CGNL1: variants seen among roughly 807,000 people sequenced by gnomAD.
The protein encoded by CGNL1 is cingulin like 1, also known as cingulin-like protein 1.
In CGNL1, 132 loss-of-function variants were observed where a neutral mutation model predicts 141.2. The observed-to-expected ratio is 0.93, with a 90% CI of 0.81 to 1.08. The LOEUF (loss-of-function observed/expected upper bound fraction) is 1.08, where lower values mean the gene tolerates loss of function less well. Among genes scored for constraint, CGNL1 ranks in the 50% least tolerant of loss-of-function variants. CGNL1 has a pLI of 0.00. For missense variants in CGNL1, 1,870 were observed against 1,588.6 expected, an observed-to-expected ratio of 1.18 and a Z score of -3.01; for synonymous variants, 690 against 622.1, an observed-to-expected ratio of 1.11 and a Z score of -1.63.
At chr15:57,500,116 G>T (rs1211695138) in intron 8 of CGNL1, among the ~76,000 whole-genome samples, 1 of 152,206 alleles carries the variant, frequency 6.6e-6, no homozygotes, top group East Asian at 1.9e-4. Flanking sequence ...AGTGGGAATG[G>T]GGAGTGAATC....
intron 8 of CGNL1, among the ~76,000 whole-genome samples, chr15:57,465,795 A>G (rs2063504589): frequency 6.6e-6 from 1 of 152,164 alleles, no homozygotes; most frequent in African/African-American, 2.4e-5. Context: ...CTAAAGTGCT[A>G]TTTTATCGTT....
At chr15:57,439,737 C>G in intron 2 of CGNL1, 136 bp downstream of exon 2, 2 of 932,708 alleles carry the variant, frequency 2.1e-6, no homozygotes, top group South Asian at 3.5e-5. Flanking sequence ...TGATCTGTTT[C>G]AGGATCCAGT....
chr15:57,501,284 G>C (rs116482878), intron 8 of CGNL1, among the ~76,000 whole-genome samples: 1 of 152,184 alleles, frequency 6.6e-6, no homozygotes, highest in East Asian at 1.9e-4. Flanking sequence ...TTACCTCTCA[G>C]TACCTCAGTT....
At chr15:57,521,917 TTTG>T (rs2031284742) in intron 10 of CGNL1, among the ~76,000 whole-genome samples, 1 of 152,142 alleles carries the variant, frequency 6.6e-6, no homozygotes, top group African/African-American at 2.4e-5. Flanking sequence ...GCCCTCTGTA[TTTG>T]TTGTTTTCAC....
At chr15:57,442,842 C>T (rs575048549) in intron 4 of CGNL1, among the ~76,000 whole-genome samples, 5 of 152,292 alleles carry the variant, frequency 3.3e-5, no homozygotes, top group East Asian at 3.9e-4. Context: ...TGGTCTCGAA[C>T]GTCTGGGCTC....
chr15:57,469,338 A>G lies in CGNL1; in HGVS notation c.2403+7446A>G, dbSNP rs74809613. On this transcript the variant is annotated intron_variant, in intron 8 of 18. Coordinates refer to ENST00000281282, the MANE Select transcript of CGNL1 (RefSeq NM_032866.5). ...GTCCTGGGAGCCCTCTGTGTGAACA[A>G]TGAGTGAGGAGCAGGGCTGCCCTAT... Among the ~76,000 whole-genome samples the G allele has an allele frequency of 9.4e-3, 1,419 of 151,238 alleles. 19 individuals carry two copies. The highest frequency in any genetic ancestry group is 0.033 in the African/African-American group (1,361 of 41,220).
chr15:57,398,209 T>C (rs751952254), intron 1 of CGNL1: 1 of 152,252 alleles, frequency 6.6e-6, no homozygotes, highest in Non-Finnish European at 1.5e-5. Flanking sequence ...AGTTCTACCA[T>C]GAAGATAAAC....
chr15:57,497,092 G>T (rs558459012), intron 8 of CGNL1, among the ~76,000 whole-genome samples: 5 of 152,306 alleles, frequency 3.3e-5, no homozygotes, highest in African/African-American at 1.2e-4. Flanking sequence ...TGCTGTGTTT[G>T]GCGGTATGGG....
At chr15:57,379,930 TC>T (rs2062406834) in intron 1 of CGNL1, among the ~76,000 whole-genome samples, 1 of 152,166 alleles carries the variant, frequency 6.6e-6, no homozygotes, top group African/African-American at 2.4e-5. Flanking sequence ...GTCCCCCGTG[TC>T]CCGATTGCAG....
At chr15:57,381,110 A>G (rs1230722686) in intron 1 of CGNL1, among the ~76,000 whole-genome samples, 3 of 152,138 alleles carry the variant, frequency 2.0e-5, no homozygotes, top group Non-Finnish European at 2.9e-5. Flanking sequence ...AATAGTTACT[A>G]TTTGTTTATT....
chr15:57,480,648 G>A (rs181096141), intron 8 of CGNL1, among the ~76,000 whole-genome samples: 1 of 152,308 alleles, frequency 6.6e-6, no homozygotes, highest in East Asian at 1.9e-4. Context: ...TCTTTGGGCA[G>A]GAGTTTGAAG....
Position 57,442,400 on chromosome 15 carries a change from A to G in CGNL1, c.1725A>G (p.Lys575=). The G allele has an allele frequency of 6.2e-7, 1 of 1,613,386 alleles. No individual in the cohort carries two copies. Among genetic ancestry groups the G allele is most frequent in the Non-Finnish European group, 8.5e-7 (1 of 1,179,516 alleles). ...EGSTDNDDAT[K]RKVNLVFEKI... Reference sequence around the variant, plus strand: ...GCACTGATAATGACGATGCTACTAAAAGGAAAGTCAACTTGGTCTTTGAGA... The same window carrying G: ...GCACTGATAATGACGATGCTACTAAGAGGAAAGTCAACTTGGTCTTTGAGA... The change falls in exon 4 of 19, where the codon AAA becomes AAG. Residue 575 remains lysine, a synonymous_variant. Coordinates refer to ENST00000281282, the MANE Select transcript of CGNL1 (RefSeq NM_032866.5).
chr15:57,459,023 C>T (rs960544487), intron 7 of CGNL1, among the ~76,000 whole-genome samples: 12 of 152,178 alleles, frequency 7.9e-5, no homozygotes, highest in South Asian at 4.1e-4. Context: ...ATCTCGTTGT[C>T]GGTTATACTT....
chr15:57,377,420 C>T (rs558355830), intron 1 of CGNL1, among the ~76,000 whole-genome samples: 1 of 152,102 alleles, frequency 6.6e-6, no homozygotes, highest in Non-Finnish European at 1.5e-5. Context: ...TGGGTTGCAG[C>T]CTGGACAATG....
chr15:57,521,050 C>A (rs1567167389), intron 10 of CGNL1, among the ~76,000 whole-genome samples: 1 of 152,160 alleles, frequency 6.6e-6, no homozygotes, highest in African/African-American at 2.4e-5. Flanking sequence ...CCTAAATTTT[C>A]ATCTCATTAT....
chr15:57,380,200 AT>A (rs1275177913), intron 1 of CGNL1, among the ~76,000 whole-genome samples: 1 of 151,818 alleles, frequency 6.6e-6, no homozygotes, highest in Admixed American at 6.6e-5. Flanking sequence ...TACCCCGCTT[AT>A]TTTTGTATTT....
intron 8 of CGNL1, among the ~76,000 whole-genome samples, chr15:57,495,706 T>G (rs527307601): frequency 1.3e-5 from 2 of 152,224 alleles, no homozygotes; most frequent in East Asian, 3.9e-4. Flanking sequence ...CAAGTAAGGG[T>G]GTTAAATGAA....
Position 57,548,077 on chromosome 15 carries a change from C to G in CGNL1, c.*587C>G, listed in dbSNP as rs1381481838. On this transcript the variant is annotated 3_prime_UTR_variant, in exon 19 of 19. Coordinates refer to ENST00000281282, the MANE Select transcript of CGNL1 (RefSeq NM_032866.5). ...AGTGCAATGGCGCAACCTTGGCTCA[C>G]TGCAACCTCTGCCTCCCTGGTTCAA... 1.3e-5 allele frequency: 2 copies of G among 151,454 alleles called. No homozygotes were observed. Among genetic ancestry groups the G allele is most frequent in the African/African-American group, 4.9e-5 (2 of 41,054 alleles). The allele number at this position is 151,454 out of a possible 1,614,324, so 9.4% of individuals were successfully genotyped here.
At chr15:57,483,635 G>A (rs1275532281) in intron 8 of CGNL1, among the ~76,000 whole-genome samples, 1 of 152,056 alleles carries the variant, frequency 6.6e-6, no homozygotes, top group Non-Finnish European at 1.5e-5. Flanking sequence ...CAGGCTAGAA[G>A]CTCCAATACT....
Sources: gnomAD v4.1 joint callset for allele counts (sites outside exome capture counted in the v4.1 genomes callset) on GRCh38, gnomAD v4.1.1 for gene constraint, MANE v1.5 for transcripts, NCBI Gene and HGNC (gene_info 2026-07-23, HGNC 2026-07-21) for gene names.